Variants in ARHGEF33 observed in about 807,000 individuals in gnomAD.
The protein encoded by ARHGEF33 is Rho guanine nucleotide exchange factor 33.
ARHGEF33 carries 72 observed loss-of-function variants against 101.9 expected under a neutral mutation model. That is an observed-to-expected ratio of 0.71 (90% CI 0.58 to 0.86). ARHGEF33 has a LOEUF of 0.86. Ranked by LOEUF, ARHGEF33 falls within the 40% of genes least tolerant of loss-of-function variation. ARHGEF33 has a pLI of 0.00. For synonymous variants in ARHGEF33, 499 were observed against 442.5 expected (o/e 1.13, Z -1.60); for missense variants, 1,169 against 1,111.3 (o/e 1.05, Z -0.74).
intron 2 of ARHGEF33, among the ~76,000 whole-genome samples, chr2:38,917,099 C>CTTCTTTTTTTTTT (rs1666650630): frequency 2.5e-5 from 1 of 40,192 alleles, no homozygotes; most frequent in African/African-American, 9.1e-5. Context: ...TGCAACCGGT[C>CTTCTTTTTTTTTT]TTCTTTTTTT....
chr2:38,944,461 A>G (rs1292408154), intron 10 of ARHGEF33, among the ~76,000 whole-genome samples: 3 of 151,990 alleles, frequency 2.0e-5, no homozygotes, highest in Non-Finnish European at 4.4e-5. Flanking sequence ...TCACAACCTA[A>G]ACACCCACCA....
intron 1 of ARHGEF33, among the ~76,000 whole-genome samples, chr2:38,894,033 A>G (rs1009444273): frequency 1.3e-5 from 2 of 152,180 alleles, no homozygotes; most frequent in African/African-American, 4.8e-5. Flanking sequence ...AGAATTAAAA[A>G]TCGTTCTTGC....
intron 2 of ARHGEF33, among the ~76,000 whole-genome samples, chr2:38,918,941 G>C (rs1203468336): frequency 1.3e-5 from 2 of 152,084 alleles, no homozygotes; most frequent in Admixed American, 6.5e-5. Flanking sequence ...AGCTATTTGG[G>C]AGGCTGAGGT....
chr2:38,919,479 T>C lies in ARHGEF33; in HGVS notation c.25+7T>C. The C allele has an allele frequency of 6.4e-7, 1 of 1,551,756 alleles. No homozygotes were observed. The highest frequency in any genetic ancestry group is 8.7e-7 in the Non-Finnish European group (1 of 1,146,888). On this transcript the variant is annotated splice_region_variant and intron_variant, in intron 3 of 17. Coordinates refer to ENST00000409978, the MANE Select transcript of ARHGEF33 (RefSeq NM_001145451.5). ...AAAACCAAAACAAAGCAAGGTCAGA[T>C]TTTTCCTATGTCTTGCTTTAGGACT...
intron 2 of ARHGEF33, among the ~76,000 whole-genome samples, chr2:38,915,271 T>C (rs868639263): frequency 6.6e-6 from 1 of 152,152 alleles, no homozygotes; most frequent in Non-Finnish European, 1.5e-5. Flanking sequence ...AGAAAAAATA[T>C]TAACAGGCAA....
rs1402816042 is a variant in ARHGEF33 at position 38,960,119 on chromosome 2, C to T, written c.1814C>T (p.Ala605Val). The change falls in exon 16 of 18, where the codon GCC (alanine) becomes GTC (valine). Residue 605 changes from alanine (A) to valine (V), a missense_variant. Transcript: ENST00000409978. ...LRAPAELLPDARGFVPAAYEE... is the reference protein window; with the variant it reads ...LRAPAELLPDVRGFVPAAYEE... Reference sequence around the variant, plus strand: ...GCCCCGGCCGAGCTCCTGCCCGATGCCCGCGGCTTCGTGCCCGCGGCCTAC... The same window carrying T: ...GCCCCGGCCGAGCTCCTGCCCGATGTCCGCGGCTTCGTGCCCGCGGCCTAC... 15 of 1,542,004 alleles carry T rather than the reference C, an allele frequency of 9.7e-6. No individual in the cohort carries two copies. The highest frequency in any genetic ancestry group is 1.1e-5 in the Non-Finnish European group (13 of 1,145,308).
chr2:38,909,322 T>TA (rs903731382), intron 2 of ARHGEF33, among the ~76,000 whole-genome samples: 9 of 151,880 alleles, frequency 5.9e-5, no homozygotes, highest in African/African-American at 1.5e-4. Flanking sequence ...TTTATTTCAT[T>TA]AAAAAAAATT....
chr2:38,967,936 CTTTTTTTT>C (rs397871559), intron 17 of ARHGEF33, among the ~76,000 whole-genome samples: 44 of 96,368 alleles, frequency 4.6e-4, no homozygotes, highest in Admixed American at 3.0e-3. Context: ...TTGAGCCTAT[CTTTTTTTT>C]TTTTTTTTTT....
chr2:38,955,165 A>G (rs1242715096), intron 13 of ARHGEF33, among the ~76,000 whole-genome samples: 2 of 152,058 alleles, frequency 1.3e-5, no homozygotes, highest in Non-Finnish European at 2.9e-5. Context: ...TATCCTGACT[A>G]CTTTCTTTTG....
chr2:38,961,594 T>G (rs1667940979), intron 16 of ARHGEF33, among the ~76,000 whole-genome samples: 1 of 152,220 alleles, frequency 6.6e-6, no homozygotes, highest in African/African-American at 2.4e-5. Context: ...GTGATGACAC[T>G]GACTTTTCTC....
At chr2:38,967,967 A>C (rs1668088364) in intron 17 of ARHGEF33, among the ~76,000 whole-genome samples, 1 of 139,794 alleles carries the variant, frequency 7.2e-6, no homozygotes, top group Non-Finnish European at 1.5e-5. Flanking sequence ...TTTTTTTTAA[A>C]CCACAGTATT....
chr2:38,927,997 T>C (rs1490619464), intron 4 of ARHGEF33, among the ~76,000 whole-genome samples: 1 of 152,220 alleles, frequency 6.6e-6, no homozygotes, highest in African/African-American at 2.4e-5. Flanking sequence ...AATGAACGTT[T>C]CTTGAACATC....
rs1166999080 is a variant in ARHGEF33, at chr2:38,957,049, T to C, written c.1370+2T>C. On this transcript the variant is annotated splice_donor_variant, in intron 14 of 17. Coordinates refer to ENST00000409978, the MANE Select transcript of ARHGEF33 (RefSeq NM_001145451.5). LOFTEE classifies it high-confidence loss of function. Reference sequence around the variant, plus strand: ...TCAGAAACGGAAAAAGCTCAAGAAGTAAGGTTCTGATGGTGTGGTCTAGAG... The same window carrying C: ...TCAGAAACGGAAAAAGCTCAAGAAGCAAGGTTCTGATGGTGTGGTCTAGAG... 1.3e-6 allele frequency: 2 copies of C among 1,551,542 alleles called. No individual in the cohort carries two copies. Among genetic ancestry groups the C allele is most frequent in the Non-Finnish European group, 1.7e-6 (2 of 1,147,012 alleles).
chr2:38,945,847 G>A (rs961152954), intron 10 of ARHGEF33, among the ~76,000 whole-genome samples: 7 of 152,166 alleles, frequency 4.6e-5, no homozygotes, highest in African/African-American at 1.7e-4. Context: ...AGAACCCTGT[G>A]ACCCCTACCT....
At chr2:38,904,934 T>C in intron 2 of ARHGEF33, among the ~76,000 whole-genome samples, 1 of 152,082 alleles carries the variant, frequency 6.6e-6, no homozygotes, top group East Asian at 1.9e-4. Context: ...GAAAGACACC[T>C]TAGCAAGGAA....
intron 14 of ARHGEF33, among the ~76,000 whole-genome samples, chr2:38,957,544 T>C (rs1291957907): frequency 1.3e-5 from 2 of 152,174 alleles, no homozygotes; most frequent in Admixed American, 6.5e-5. Context: ...ATATGTGATA[T>C]GGATAAAAAT....
intron 7 of ARHGEF33, among the ~76,000 whole-genome samples, chr2:38,933,740 A>G (rs921820548): frequency 1.3e-5 from 2 of 152,160 alleles, no homozygotes; most frequent in Non-Finnish European, 2.9e-5. Flanking sequence ...TCTATTCATT[A>G]GAGACTAATC....
chr2:38,917,867 A>T (rs545136506), intron 2 of ARHGEF33, among the ~76,000 whole-genome samples: 1 of 150,948 alleles, frequency 6.6e-6, no homozygotes, highest in East Asian at 1.9e-4. Flanking sequence ...GCCTCTTCCC[A>T]GTTATCCCTC....
chr2:38,909,237 C>G (rs187423479), intron 2 of ARHGEF33, among the ~76,000 whole-genome samples: 13 of 152,092 alleles, frequency 8.5e-5, no homozygotes, highest in Admixed American at 2.6e-4. Context: ...GACTTGAGCA[C>G]CAAGGACCAT....
Sources: allele counts gnomAD v4.1 joint callset (sites outside exome capture counted in the v4.1 genomes callset), GRCh38; gene constraint gnomAD v4.1.1; transcripts MANE v1.5; gene names NCBI Gene and HGNC (gene_info 2026-07-23, HGNC 2026-07-21).